MAGI2: variants seen among roughly 807,000 people sequenced by gnomAD.
The protein encoded by MAGI2 is membrane associated guanylate kinase, WW and PDZ domain containing 2.
MAGI2 carries 35 observed loss-of-function variants against 133.3 expected under a neutral mutation model. The ratio of observed to expected loss-of-function variants is 0.26; its 90% CI spans 0.20 to 0.35. The LOEUF is 0.35. MAGI2 is among the 10% of genes least tolerant of loss of function. The probability of loss-of-function intolerance (pLI) is 1.00; values close to 1 mark genes in which losing one functional copy is unlikely to be tolerated. For missense variants in MAGI2, 1,636 were observed against 1,863.4 expected (o/e 0.88, Z 2.25); for synonymous variants, 729 against 710.6 (o/e 1.03, Z -0.41).
chr7:79,216,555 C>A (rs1830049801), intron 1 of MAGI2, among the ~76,000 whole-genome samples: 1 of 151,980 alleles, frequency 6.6e-6, no homozygotes, highest in Admixed American at 6.6e-5. Flanking sequence ...GCACCTACCC[C>A]TAGACACTAC....
intron 1 of MAGI2, among the ~76,000 whole-genome samples, chr7:79,162,741 A>G (rs1199776565): frequency 6.6e-6 from 1 of 152,136 alleles, no homozygotes; most frequent in Non-Finnish European, 1.5e-5. Flanking sequence ...TTATCTAGAT[A>G]CATATTTTAA....
intron 1 of MAGI2, among the ~76,000 whole-genome samples, chr7:79,141,932 A>T (rs1428248746): frequency 6.6e-6 from 1 of 152,190 alleles, no homozygotes; most frequent in African/African-American, 2.4e-5. Flanking sequence ...TTTTATGTAG[A>T]CTAATATTAG....
intron 2 of MAGI2, among the ~76,000 whole-genome samples, chr7:78,906,490 T>A (rs961700162): frequency 2.0e-5 from 3 of 152,242 alleles, no homozygotes; most frequent in Admixed American, 6.5e-5. Flanking sequence ...TTTAGCCACA[T>A]CTGTGCTTCA....
At chr7:78,442,463 T>C (rs531644581) in intron 6 of MAGI2, among the ~76,000 whole-genome samples, 5 of 152,152 alleles carry the variant, frequency 3.3e-5, no homozygotes, top group South Asian at 2.1e-4. Flanking sequence ...GAGATGAAAA[T>C]GGTGAATCAA....
intron 2 of MAGI2, among the ~76,000 whole-genome samples, chr7:78,797,778 T>A (rs1787734414): frequency 6.6e-6 from 1 of 152,146 alleles, no homozygotes; most frequent in Admixed American, 6.5e-5. Flanking sequence ...GATTATATAT[T>A]CACGCTAGGG....
intron 2 of MAGI2, among the ~76,000 whole-genome samples, chr7:78,715,121 T>C (rs1033126009): frequency 5.9e-5 from 9 of 152,208 alleles, no homozygotes; most frequent in African/African-American, 2.2e-4. Flanking sequence ...GGGAATTGAT[T>C]TGCTTGGAGG....
chr7:78,274,479 C>A (rs1489156241), intron 9 of MAGI2, among the ~76,000 whole-genome samples: 1 of 152,130 alleles, frequency 6.6e-6, no homozygotes, highest in East Asian at 1.9e-4. Context: ...CTGGGAGAAC[C>A]ACTGCTCTCT....
intron 1 of MAGI2, among the ~76,000 whole-genome samples, chr7:79,450,552 A>G (rs1849170443): frequency 6.6e-6 from 1 of 152,146 alleles, no homozygotes; most frequent in African/African-American, 2.4e-5. Context: ...TCATTATACA[A>G]ATTTATCATC....
intron 6 of MAGI2, among the ~76,000 whole-genome samples, chr7:78,452,860 GTATT>G (rs1247825070): frequency 6.6e-6 from 1 of 151,820 alleles, no homozygotes; most frequent in African/African-American, 2.4e-5. Flanking sequence ...AGTTATGTTA[GTATT>G]TATTAGCATA....
intron 2 of MAGI2, among the ~76,000 whole-genome samples, chr7:78,827,934 G>T (rs1790808499): frequency 6.6e-6 from 1 of 151,988 alleles, no homozygotes; most frequent in Admixed American, 6.6e-5. Flanking sequence ...ACCCAGGCTG[G>T]AGTGAAGTGG....
At chr7:79,248,341 T>C (rs1224821221) in intron 1 of MAGI2, among the ~76,000 whole-genome samples, 1 of 152,116 alleles carries the variant, frequency 6.6e-6, no homozygotes, top group Non-Finnish European at 1.5e-5. Context: ...ATATATTCAA[T>C]TAACACGGAA....
chr7:78,781,895 A>C (rs1429312285), intron 2 of MAGI2, among the ~76,000 whole-genome samples: 2 of 152,210 alleles, frequency 1.3e-5, no homozygotes, highest in Non-Finnish European at 2.9e-5. Context: ...CTTTAAGAAC[A>C]AAATGTAAAT....
chr7:78,341,897 T>C (rs888974551), intron 9 of MAGI2, among the ~76,000 whole-genome samples: 1 of 152,154 alleles, frequency 6.6e-6, no homozygotes, highest in African/African-American at 2.4e-5. Flanking sequence ...GACATAGGCA[T>C]GGGCAAAGAC....
chr7:78,823,978 C>T (rs1407218896), intron 2 of MAGI2, among the ~76,000 whole-genome samples: 1 of 151,772 alleles, frequency 6.6e-6, no homozygotes, highest in Non-Finnish European at 1.5e-5. Context: ...AGACTAAGTT[C>T]CTATTGAAAT....
At chr7:78,396,979 T>C (rs1456851602) in intron 6 of MAGI2, among the ~76,000 whole-genome samples, 1 of 152,118 alleles carries the variant, frequency 6.6e-6, no homozygotes, top group Non-Finnish European at 1.5e-5. Context: ...TACAATTAAT[T>C]TCAATGTGAG....
intron 16 of MAGI2, among the ~76,000 whole-genome samples, chr7:78,147,161 G>C (rs978821733): frequency 6.6e-6 from 1 of 152,158 alleles, no homozygotes; most frequent in African/African-American, 2.4e-5. Context: ...TAACCTGAAA[G>C]AATGCAATTT....
At chr7:78,147,288 C>T (rs1014464819) in intron 16 of MAGI2, among the ~76,000 whole-genome samples, 2 of 152,164 alleles carry the variant, frequency 1.3e-5, no homozygotes, top group Non-Finnish European at 2.9e-5. Flanking sequence ...TCTGAATGGT[C>T]AAATAAATTA....
chr7:79,402,987 A>AT (rs900278845), intron 1 of MAGI2, among the ~76,000 whole-genome samples: 3 of 152,202 alleles, frequency 2.0e-5, no homozygotes, highest in African/African-American at 7.2e-5. Context: ...TAACATGGAG[A>AT]TAAAAATGCC....
intron 1 of MAGI2, among the ~76,000 whole-genome samples, chr7:79,364,776 A>G (rs921889436): frequency 8.5e-5 from 13 of 152,092 alleles, no homozygotes; most frequent in African/African-American, 3.1e-4. Context: ...AAATTAACCC[A>G]GAATAGATCA....
Sources: gnomAD v4.1 joint callset for allele counts (sites outside exome capture counted in the v4.1 genomes callset) on GRCh38, gnomAD v4.1.1 for gene constraint, MANE v1.5 for transcripts, NCBI Gene and HGNC (gene_info 2026-07-23, HGNC 2026-07-21) for gene names.